The following SHANK2 variants were observed in gnomAD, a reference collection of about 807,000 sequenced individuals.
SHANK2 encodes the protein SH3 and multiple ankyrin repeat domains 2.
Under a neutral mutation model 133.7 loss-of-function variants are expected in SHANK2, and 43 were observed. That is an observed-to-expected ratio of 0.32 (90% confidence interval 0.25 to 0.41). The LOEUF (loss-of-function observed/expected upper bound fraction) is 0.41. Ranked by LOEUF, SHANK2 falls within the 10% of genes least tolerant of loss-of-function variation. The probability of loss-of-function intolerance (pLI) is 1.00; values close to 1 mark genes in which losing one functional copy is unlikely to be tolerated. For missense variants in SHANK2, 1,994 were observed against 2,235.8 expected (o/e 0.89, Z 2.18); for synonymous variants, 1,017 against 952.8 (o/e 1.07, Z -1.24).
chr11:70,655,467 A>G (rs117009355), intron 17 of SHANK2, among the ~76,000 whole-genome samples: 2 of 152,322 alleles, frequency 1.3e-5, no homozygotes, highest in East Asian at 3.9e-4. Flanking sequence ...GGAGGAACAC[A>G]CATGCTATAT....
chr11:70,863,594 G>C (rs546518252), intron 11 of SHANK2: 2 of 453,874 alleles, frequency 4.4e-6, no homozygotes, highest in Admixed American at 2.4e-5. Flanking sequence ...ACTCAGGCTG[G>C]TGCAAACGGA....
chr11:70,676,503 G>T (rs1246320616), intron 15 of SHANK2, among the ~76,000 whole-genome samples: 2 of 152,240 alleles, frequency 1.3e-5, no homozygotes, highest in Non-Finnish European at 2.9e-5. Flanking sequence ...ATGAGGGAGA[G>T]GCCAAGAGGC....
chr11:70,898,320 A>ATG (rs1565392274), intron 10 of SHANK2, among the ~76,000 whole-genome samples: 2 of 149,016 alleles, frequency 1.3e-5, no homozygotes, highest in Non-Finnish European at 2.9e-5. Context: ...ACATATATAT[A>ATG]TGTGTATATA....
At chr11:70,924,842 C>T (rs1950404862) in intron 10 of SHANK2, among the ~76,000 whole-genome samples, 1 of 152,190 alleles carries the variant, frequency 6.6e-6, no homozygotes, top group African/African-American at 2.4e-5. Flanking sequence ...GGGCTTATTT[C>T]AGAGAACAGA....
Position 70,729,798 on chromosome 11 carries a change from G to A in SHANK2, c.1778-31035C>T, listed in dbSNP as rs1946247864. 2.0e-5 allele frequency among the ~76,000 whole-genome samples: 3 copies of A among 151,122 alleles called. No individual in the cohort carries two copies. The South Asian group carries it at 6.3e-4, about 32-fold the overall frequency. On this transcript the variant is annotated intron_variant, in intron 14 of 25. Transcript: ENST00000601538. The stretch of plus-strand genomic sequence containing the variant: ...TCTGCCTGCCTCAGCCTCCCAAAGT[G>A]CTGGGATTACAGGCTTGAGCCACCG...
intron 2 of SHANK2, among the ~76,000 whole-genome samples, chr11:71,171,262 C>T (rs1590984914): frequency 6.6e-6 from 1 of 152,166 alleles, no homozygotes; most frequent in Non-Finnish European, 1.5e-5. Context: ...AAAAGACCTG[C>T]GACGGGCTGT....
chr11:70,480,922 T>C (rs782642233), intron 25 of SHANK2, among the ~76,000 whole-genome samples: 3 of 152,248 alleles, frequency 2.0e-5, no homozygotes, highest in Non-Finnish European at 4.4e-5. Context: ...CCCAGGCTCC[T>C]GTGCTGGGAC....
At chr11:71,124,768 A>C (rs377710068) in intron 3 of SHANK2, among the ~76,000 whole-genome samples, 1 of 152,148 alleles carries the variant, frequency 6.6e-6, no homozygotes, top group African/African-American at 2.4e-5. Flanking sequence ...CATAAATTAG[A>C]GGCATATCCC....
At chr11:70,612,477 C>T (rs1262815097) in intron 17 of SHANK2, among the ~76,000 whole-genome samples, 1 of 152,228 alleles carries the variant, frequency 6.6e-6, no homozygotes, top group Non-Finnish European at 1.5e-5. Flanking sequence ...CATACATATT[C>T]TTGGGGGTGT....
chr11:70,623,107 C>T (rs1235856488), intron 17 of SHANK2, among the ~76,000 whole-genome samples: 5 of 152,068 alleles, frequency 3.3e-5, no homozygotes, highest in South Asian at 4.2e-4. Flanking sequence ...ACCCGGGAGG[C>T]GGAGTTTGCA....
In SHANK2 at chr11:70,487,770, T is replaced by A; in HGVS notation, c.2573-50A>T. ...TTTAAGTCACAATAGCAACAAAGCCTAAGTTCCTAGGAACGTGCGATACGC... is the reference window on the plus strand; with the variant it reads ...TTTAAGTCACAATAGCAACAAAGCCAAAGTTCCTAGGAACGTGCGATACGC... On this transcript the variant is annotated intron_variant, in intron 24 of 25. Transcript: ENST00000601538. This position sits in a 1 kb window ranked among gnomAD's most constrained non-coding sequence, Gnocchi z 5.8. 1 of 1,550,152 alleles carries A rather than the reference T, an allele frequency of 6.5e-7. No individual in the cohort carries two copies. The highest frequency in any genetic ancestry group is 8.7e-7 in the Non-Finnish European group (1 of 1,147,006).
intron 17 of SHANK2, among the ~76,000 whole-genome samples, chr11:70,554,025 C>T (rs570240021): frequency 1.5e-4 from 23 of 152,332 alleles, no homozygotes; most frequent in Admixed American, 1.0e-3. Flanking sequence ...GGTCGCTGAC[C>T]GGACTGGCTG....
rs2135551530 is a variant in SHANK2 at position 70,874,040 on chromosome 11, C to T, written c.1174+22461G>A. On this transcript the variant is annotated intron_variant, in intron 11 of 25. Coordinates refer to ENST00000601538, the MANE Select transcript of SHANK2 (RefSeq NM_012309.5). ...ATGTGAACAGTACACAGAAATTCCT[C>T]CATCTAGCCATCTATCCATCTACCT... Among the ~76,000 whole-genome samples the T allele has an allele frequency of 2.0e-5, 3 of 152,294 alleles. No individual in the cohort carries two copies. In the South Asian group the frequency reaches 6.2e-4, roughly 32 times the overall value.
At chr11:70,822,935 AG>A (rs1555056377) in intron 11 of SHANK2, among the ~76,000 whole-genome samples, 1 of 77,530 alleles carries the variant, frequency 1.3e-5, no homozygotes, top group Admixed American at 1.4e-4. Flanking sequence ...CACGGGGGAC[AG>A]AGGTGGCACT....
chr11:71,145,273 A>C (rs782368264), intron 3 of SHANK2, among the ~76,000 whole-genome samples: 3 of 152,214 alleles, frequency 2.0e-5, no homozygotes, highest in Non-Finnish European at 2.9e-5. Context: ...CATAAAATAC[A>C]CTAACACTAA....
At chr11:71,061,733 G>C (rs1950988656) in intron 9 of SHANK2, among the ~76,000 whole-genome samples, 1 of 152,144 alleles carries the variant, frequency 6.6e-6, no homozygotes, top group Non-Finnish European at 1.5e-5. Flanking sequence ...GGAATGGTGA[G>C]TTTCTGCAGG....
intron 14 of SHANK2, among the ~76,000 whole-genome samples, chr11:70,749,580 T>C (rs1327777746): frequency 6.6e-6 from 1 of 152,220 alleles, no homozygotes; most frequent in African/African-American, 2.4e-5. Context: ...CTTGAGATGA[T>C]GCAGATGCTG....
chr11:70,735,112 C>G (rs559381706), intron 14 of SHANK2, among the ~76,000 whole-genome samples: 45 of 152,312 alleles, frequency 3.0e-4, no homozygotes, highest in Middle Eastern at 3.4e-3. Flanking sequence ...GGCCTCCCCC[C>G]AGGTGGGCAG....
At chr11:71,172,648 G>T (rs1271656609) in intron 2 of SHANK2, among the ~76,000 whole-genome samples, 1 of 151,782 alleles carries the variant, frequency 6.6e-6, no homozygotes, top group Non-Finnish European at 1.5e-5. Context: ...GAAACACCGT[G>T]AGCAGCATCT....
Sources: gnomAD v4.1 joint callset for allele counts (sites outside exome capture counted in the v4.1 genomes callset) on GRCh38, gnomAD v4.1.1 for gene constraint, Gnocchi (gnomAD v3.1) non-coding constraint, MANE v1.5 for transcripts, NCBI Gene and HGNC (gene_info 2026-07-23, HGNC 2026-07-21) for gene names.